ANKIB1: variants seen among roughly 807,000 people sequenced by gnomAD.
ANKIB1 encodes the protein ankyrin repeat and IBR domain containing 1, also known as ankyrin repeat and IBR domain-containing protein 1.
In ANKIB1, 43 loss-of-function variants were observed where a neutral mutation model predicts 122.1. The observed-to-expected ratio is 0.35, with a 90% CI of 0.28 to 0.45. The LOEUF is 0.45. Among genes scored for constraint, ANKIB1 ranks in the 20% least tolerant of loss-of-function variants. ANKIB1 has a pLI of 1.00. For synonymous variants in ANKIB1, 390 were observed against 442.0 expected, an observed-to-expected ratio of 0.88 and a Z score of 1.48; for missense variants, 992 against 1,329.5, an observed-to-expected ratio of 0.75 and a Z score of 3.95.
At chr7:92,384,382 C>A (rs1356991132) in intron 11 of ANKIB1, among the ~76,000 whole-genome samples, 1 of 152,150 alleles carries the variant, frequency 6.6e-6, no homozygotes, top group East Asian at 1.9e-4. Flanking sequence ...TTGGAAAAAA[C>A]TACTTTAAAG....
chr7:92,332,216 G>T (rs562806889), intron 5 of ANKIB1, among the ~76,000 whole-genome samples: 1 of 152,256 alleles, frequency 6.6e-6, no homozygotes, highest in South Asian at 2.1e-4. Flanking sequence ...CATTTGATAA[G>T]CAAATAAGAT....
At chr7:92,270,288 C>T (rs1427035912) in intron 1 of ANKIB1, among the ~76,000 whole-genome samples, 3 of 152,086 alleles carry the variant, frequency 2.0e-5, no homozygotes, top group Admixed American at 2.0e-4. Flanking sequence ...GTCTCTAACT[C>T]CTGGGCTCAA....
intron 6 of ANKIB1, among the ~76,000 whole-genome samples, chr7:92,344,549 A>G (rs1184037855): frequency 6.6e-6 from 1 of 152,052 alleles, no homozygotes; most frequent in Non-Finnish European, 1.5e-5. Flanking sequence ...GAAAGTGTGG[A>G]TATCTTGAGT....
intron 2 of ANKIB1, among the ~76,000 whole-genome samples, chr7:92,305,603 TG>T (rs771034293): frequency 6.6e-6 from 1 of 152,068 alleles, no homozygotes; most frequent in African/African-American, 2.4e-5. Context: ...ACTGAACTGG[TG>T]GGGGAGCCTA....
chr7:92,278,344 G>C (rs1427816816), intron 1 of ANKIB1, among the ~76,000 whole-genome samples: 1 of 152,212 alleles, frequency 6.6e-6, no homozygotes, highest in Non-Finnish European at 1.5e-5. Flanking sequence ...AGTCAGGGCT[G>C]TTAGGTGTAA....
chr7:92,373,523 A>G (rs572270300), intron 11 of ANKIB1, among the ~76,000 whole-genome samples: 1 of 152,198 alleles, frequency 6.6e-6, no homozygotes, highest in Non-Finnish European at 1.5e-5. Context: ...ATGTAAATGT[A>G]GTAGTTGTAT....
At chr7:92,326,174 C>T (rs899654306) in intron 4 of ANKIB1, among the ~76,000 whole-genome samples, 6 of 152,150 alleles carry the variant, frequency 3.9e-5, no homozygotes, top group Non-Finnish European at 4.4e-5. Flanking sequence ...AATTATTTTT[C>T]TTCCACTGTT....
Position 92,371,720 on chromosome 7 carries a change from A to G in ANKIB1, c.1617+113A>G, listed in dbSNP as rs372973830. 19 of 1,237,916 alleles carry G rather than the reference A, an allele frequency of 1.5e-5. 1 individual carries two copies. The highest frequency in any genetic ancestry group is 5.2e-5 in the East Asian group (2 of 38,586). The allele number at this position is 1,237,916 out of a possible 1,614,324, so 76.7% of individuals were successfully genotyped here. ...GGGCCTGGTGCAGTGGCTCTTGCCT[A>G]TAATCCCAGCACTTCAGGAGGTTGA... On this transcript the variant is annotated intron_variant, in intron 11 of 19. Transcript: ENST00000265742.
Position 92,397,766 on chromosome 7 carries a change from C to T in ANKIB1, c.2439C>T (p.Ser813=), listed in dbSNP as rs61740421. The T allele has an allele frequency of 7.6e-3, 12,221 of 1,611,064 alleles. 528 individuals are homozygous for T. In the African/African-American group the frequency reaches 0.12, roughly 15 times the overall value. ...GCAGCAGCCGCAGGCCTGGCACATC[C>T]GTGGTAAGTTCTGCATCTATGAGTG... The part of the protein sequence containing the change: ...GGSSSRRPGT[S]VVSSASMSVL... The change falls in exon 19 of 20, where the codon TCC becomes TCT. Residue 813 remains serine (S), a synonymous_variant. Transcript: ENST00000265742.
At chr7:92,292,103 A>G (rs1198885338) in intron 1 of ANKIB1, among the ~76,000 whole-genome samples, 1 of 152,234 alleles carries the variant, frequency 6.6e-6, no homozygotes, top group Non-Finnish European at 1.5e-5. Flanking sequence ...CAGAGGGAAC[A>G]GTCACCTCAG....
chr7:92,257,741 G>A (rs1801477454), intron 1 of ANKIB1, among the ~76,000 whole-genome samples: 1 of 152,224 alleles, frequency 6.6e-6, no homozygotes, highest in African/African-American at 2.4e-5. Flanking sequence ...GCCATGAGCA[G>A]AGATCGCGCC....
At chr7:92,264,045 T>A (rs1801617239) in intron 1 of ANKIB1, among the ~76,000 whole-genome samples, 2 of 152,204 alleles carry the variant, frequency 1.3e-5, no homozygotes, top group Admixed American at 1.3e-4. Context: ...TTATATCTAT[T>A]GCACAGTGTT....
intron 4 of ANKIB1, among the ~76,000 whole-genome samples, chr7:92,325,018 A>G (rs1802996027): frequency 6.6e-6 from 1 of 152,194 alleles, no homozygotes; most frequent in Non-Finnish European, 1.5e-5. Flanking sequence ...AGATTTCTTA[A>G]ATGAGGTATT....
At chr7:92,261,364 AAAG>A (rs1288353605) in intron 1 of ANKIB1, among the ~76,000 whole-genome samples, 52 of 149,512 alleles carry the variant, frequency 3.5e-4, no homozygotes, top group African/African-American at 1.2e-3. Flanking sequence ...AAAAAAAAAA[AAAG>A]AAAAGAAATT....
intron 18 of ANKIB1, 140 bp downstream of exon 18, chr7:92,396,616 A>G: frequency 1.7e-6 from 1 of 599,548 alleles, no homozygotes; most frequent in South Asian, 2.0e-5. Context: ...GTGACAGGAC[A>G]CAGAAAATCA....
Position 92,254,032 on chromosome 7 carries a change from A to C in ANKIB1, c.-91+7513A>C, listed in dbSNP as rs138745913. Among the ~76,000 whole-genome samples the C allele has an allele frequency of 5.8e-3, 889 of 152,274 alleles. 3 individuals carry two copies. The highest frequency in any genetic ancestry group is 9.4e-3 in the Non-Finnish European group (639 of 68,004). The stretch of plus-strand genomic sequence containing the variant: ...TACTTTCTTGCAGCTGAGTGTGAGG[A>C]AGCTGGTCTAGTGTAAGGAAGCACT... On this transcript the variant is annotated intron_variant, in intron 1 of 19. Coordinates refer to ENST00000265742, the MANE Select transcript of ANKIB1 (RefSeq NM_019004.2).
chr7:92,321,126 TA>T (rs1358328534), intron 4 of ANKIB1, among the ~76,000 whole-genome samples: 1 of 152,094 alleles, frequency 6.6e-6, no homozygotes, highest in African/African-American at 2.4e-5. Flanking sequence ...TTTTTATTAA[TA>T]TTTTTGATTG....
intron 5 of ANKIB1, among the ~76,000 whole-genome samples, chr7:92,334,160 A>G (rs911758317): frequency 1.4e-4 from 21 of 152,158 alleles, no homozygotes; most frequent in African/African-American, 5.1e-4. Context: ...TTAAGAGGTA[A>G]TAGTACTTAA....
intron 11 of ANKIB1, among the ~76,000 whole-genome samples, chr7:92,380,169 G>A (rs916912547): frequency 2.6e-5 from 4 of 152,192 alleles, no homozygotes; most frequent in African/African-American, 9.7e-5. Context: ...ACTGCGAGGC[G>A]GCAAGCCATG....
Sources: gnomAD v4.1 joint callset for allele counts (sites outside exome capture counted in the v4.1 genomes callset) on GRCh38, gnomAD v4.1.1 for gene constraint, MANE v1.5 for transcripts, NCBI Gene and HGNC (gene_info 2026-07-23, HGNC 2026-07-21) for gene names.